ARL6: variants seen among roughly 807,000 people sequenced by gnomAD.
ARL6 encodes ARF like GTPase 6.
ARL6 carries 18 observed loss-of-function variants against 27.1 expected under a neutral mutation model. That is an observed-to-expected ratio of 0.66 (90% CI 0.46 to 0.98). ARL6 has a LOEUF of 0.98. Ranked by LOEUF, ARL6 falls within the 50% of genes least tolerant of loss-of-function variation. ARL6 has a pLI of 0.00. For synonymous variants in ARL6, 65 were observed against 72.3 expected (o/e 0.90, Z 0.51); for missense variants, 187 against 214.9 (o/e 0.87, Z 0.81).
chr3:97,800,155 A>G lies in ARL6; in HGVS notation c.*2106A>G, dbSNP rs1432309900. 2 of 152,138 alleles carry G rather than the reference A, an allele frequency of 1.3e-5. No homozygotes were observed. The highest frequency in any genetic ancestry group is 4.8e-5 in the African/African-American group (2 of 41,452). The allele number at this position is 152,138 out of a possible 1,614,324, so 9.4% of individuals were successfully genotyped here. On this transcript the variant is annotated 3_prime_UTR_variant, in exon 8 of 8. Coordinates refer to ENST00000463745, the MANE Select transcript of ARL6 (RefSeq NM_001278293.3). ...GCTCATACCTATGCAAATATTTAGA[A>G]GAAGGAGAAGTACCCTTTTTCTTTG...
intron 2 of ARL6, among the ~76,000 whole-genome samples, chr3:97,773,068 A>G (rs1263045924): frequency 6.6e-6 from 1 of 152,202 alleles, no homozygotes; most frequent in Non-Finnish European, 1.5e-5. Flanking sequence ...CTAATAGGAT[A>G]GATATCTATA....
rs1488740103 is a variant in ARL6, at chr3:97,768,229, A to G, written c.122A>G (p.Asn41Ser). The change falls in exon 2 of 8, where the codon AAT becomes AGT. Residue 41 changes from asparagine to serine, a missense_variant and splice_region_variant. By Grantham distance (46) the Asn-to-Ser change is conservative. Transcript: ENST00000463745. ...TTIINKLKPSNAQSQNILPTI... is the reference protein window; with the variant it reads ...TTIINKLKPSSAQSQNILPTI... ...ATCATTAACAAACTTAAACCTTCAAATGTAAGTATCTTTGTTAGATGCTTT... is the reference window on the plus strand; with the variant it reads ...ATCATTAACAAACTTAAACCTTCAAGTGTAAGTATCTTTGTTAGATGCTTT... 6.2e-7 allele frequency: 1 copy of G among 1,612,142 alleles called. No individual in the cohort carries two copies.
chr3:97,771,403 A>C (rs1319387478), intron 2 of ARL6, among the ~76,000 whole-genome samples: 2 of 152,036 alleles, frequency 1.3e-5, no homozygotes, highest in African/African-American at 4.8e-5. Flanking sequence ...CAGTTCTAAC[A>C]GTATTTTTGG....
intron 7 of ARL6, 150 bp from the exon 8 acceptor site, chr3:97,797,874 T>G (rs974335206): frequency 8.2e-6 from 6 of 733,342 alleles, no homozygotes; most frequent in African/African-American, 3.6e-5. Flanking sequence ...CTGGGCCACA[T>G]AGCAAGATCC....
At chr3:97,776,860 T>C (rs2036932709) in intron 2 of ARL6, among the ~76,000 whole-genome samples, 1 of 152,192 alleles carries the variant, frequency 6.6e-6, no homozygotes, top group Middle Eastern at 3.2e-3. Flanking sequence ...GGTTTCACCA[T>C]GTTGGCCTGG....
chr3:97,768,287 G>A, intron 2 of ARL6, 57 bp downstream of exon 2: 2 of 1,568,342 alleles, frequency 1.3e-6, no homozygotes, highest in Non-Finnish European at 1.7e-6. Flanking sequence ...AAATTAATGT[G>A]CAGAATTATG....
intron 2 of ARL6, among the ~76,000 whole-genome samples, chr3:97,779,197 C>T (rs866070830): frequency 6.6e-6 from 1 of 152,140 alleles, no homozygotes; most frequent in Non-Finnish European, 1.5e-5. Flanking sequence ...TTATCTTACC[C>T]GATACACTTG....
At chr3:97,790,090 T>TGTGTGTGTGC (rs1230059165) in intron 6 of ARL6, among the ~76,000 whole-genome samples, 3 of 149,928 alleles carry the variant, frequency 2.0e-5, no homozygotes, top group African/African-American at 4.9e-5. Context: ...TGTGTGTGTG[T>TGTGTGTGTGC]GCATGTTGTG....
At chr3:97,777,132 T>C (rs535082786) in intron 2 of ARL6, among the ~76,000 whole-genome samples, 194 of 152,284 alleles carry the variant, frequency 1.3e-3, no homozygotes, top group Non-Finnish European at 2.4e-3. Flanking sequence ...GATGAGTAGA[T>C]TGATGGATGA....
At chr3:97,776,650 G>A (rs1381066700) in intron 2 of ARL6, among the ~76,000 whole-genome samples, 1 of 150,096 alleles carries the variant, frequency 6.7e-6, no homozygotes, top group African/African-American at 2.4e-5. Flanking sequence ...TATTCTTTTT[G>A]TTTATTTATT....
chr3:97,780,031 A>T, intron 2 of ARL6, 128 bp from the exon 3 acceptor site: 1 of 733,520 alleles, frequency 1.4e-6, no homozygotes, highest in Non-Finnish European at 2.4e-6. Context: ...AAAAAATTAT[A>T]TAACTTTGTT....
chr3:97,780,345 G>C (rs2037129723), intron 3 of ARL6, 125 bp downstream of exon 3: 1 of 821,994 alleles, frequency 1.2e-6, no homozygotes, highest in Non-Finnish European at 1.9e-6. Flanking sequence ...AGGTATTAAA[G>C]TGTTTCTAAC....
intron 5 of ARL6, among the ~76,000 whole-genome samples, 166 bp from the exon 6 acceptor site, chr3:97,787,824 A>G (rs1183903850): frequency 1.3e-5 from 2 of 152,156 alleles, no homozygotes; most frequent in Non-Finnish European, 2.9e-5. Context: ...GTTACTGCTC[A>G]AATACATGCC....
intron 2 of ARL6, among the ~76,000 whole-genome samples, chr3:97,770,529 A>G: frequency 6.6e-6 from 1 of 152,024 alleles, no homozygotes; most frequent in South Asian, 2.1e-4. Flanking sequence ...GCTGTGTAGA[A>G]GCTTTGTAGC....
chr3:97,778,683 A>T (rs1490312707), intron 2 of ARL6, among the ~76,000 whole-genome samples: 1 of 152,214 alleles, frequency 6.6e-6, no homozygotes, highest in Non-Finnish European at 1.5e-5. Flanking sequence ...TACTGTGTTG[A>T]GTATTTTACA....
chr3:97,791,626 T>A, intron 6 of ARL6, 145 bp from the exon 7 acceptor site: 2 of 623,166 alleles, frequency 3.2e-6, no homozygotes, highest in Non-Finnish European at 5.6e-6. Flanking sequence ...TTTCTGTTTA[T>A]TTTCAATTTC....
chr3:97,768,425 A>G (rs1302195263), intron 2 of ARL6, among the ~76,000 whole-genome samples, 195 bp downstream of exon 2: 1 of 152,094 alleles, frequency 6.6e-6, no homozygotes, highest in African/African-American at 2.4e-5. Flanking sequence ...AAACTGGAAT[A>G]TTATTTTCAA....
At chr3:97,796,446 AAGAAT>A (rs1460210040) in intron 7 of ARL6, among the ~76,000 whole-genome samples, 1 of 152,102 alleles carries the variant, frequency 6.6e-6, no homozygotes, top group Admixed American at 6.5e-5. Context: ...CAGAAAGACA[AAGAAT>A]AGAAAATTTG....
In ARL6 at chr3:97,788,080, T is replaced by C. The variant is rs778898938; in HGVS notation, c.440T>C (p.Leu147Pro). 1.9e-6 allele frequency: 3 copies of C among 1,613,292 alleles called. No individual in the cohort carries two copies. The highest frequency in any genetic ancestry group is 2.5e-6 in the Non-Finnish European group (3 of 1,179,626). The change falls in exon 6 of 8, where the codon CTG becomes CCG. Residue 147 changes from leucine to proline, a missense_variant. Leu to Pro is a moderately conservative substitution (Grantham distance 98). Transcript: ENST00000463745. Reference sequence around the variant, plus strand: ...ACATCTGTAAAAGTGTCTCAGTTGCTGTGTTTAGAGAACATCAAAGATAAA... The same window carrying C: ...ACATCTGTAAAAGTGTCTCAGTTGCCGTGTTTAGAGAACATCAAAGATAAA... ...AVTSVKVSQL[L>P]CLENIKDKPW...
Sources: allele counts gnomAD v4.1 joint callset (sites outside exome capture counted in the v4.1 genomes callset), GRCh38; gene constraint gnomAD v4.1.1; transcripts MANE v1.5; gene names NCBI Gene and HGNC (gene_info 2026-07-23, HGNC 2026-07-21).